Variants in PDE11A observed in about 807,000 individuals in gnomAD.
PDE11A encodes the protein dual 3',5'-cyclic-AMP and -GMP phosphodiesterase 11A.
PDE11A carries 100 observed loss-of-function variants against 100.5 expected under a neutral mutation model. The ratio of observed to expected loss-of-function variants is 1.00; its 90% CI spans 0.85 to 1.18. PDE11A has a LOEUF of 1.18. Ranked by LOEUF, PDE11A falls within the 50% of genes most tolerant of loss-of-function variation. PDE11A has a pLI of 0.00. For missense variants in PDE11A, 1,141 were observed against 1,152.6 expected (o/e 0.99, Z 0.15); for synonymous variants, 381 against 420.8 (o/e 0.91, Z 1.16).
chr2:177,746,342 C>T (rs978076106), intron 10 of PDE11A, among the ~76,000 whole-genome samples: 8 of 151,786 alleles, frequency 5.3e-5, no homozygotes, highest in African/African-American at 1.2e-4. Context: ...AAATACTTGG[C>T]GGATAGATCT....
At chr2:177,777,660 C>T (rs896310185) in intron 9 of PDE11A, among the ~76,000 whole-genome samples, 84 of 152,070 alleles carry the variant, frequency 5.5e-4, no homozygotes, top group Admixed American at 5.5e-3. Context: ...TAATTGAATG[C>T]ATTATAATAG....
At chr2:177,782,010 A>G (rs1055728054) in intron 9 of PDE11A, among the ~76,000 whole-genome samples, 2 of 152,232 alleles carry the variant, frequency 1.3e-5, no homozygotes, top group East Asian at 3.8e-4. Context: ...TTTAGTAACC[A>G]CACTTTAAAT....
At chr2:177,690,643 C>T (rs776212049) in intron 15 of PDE11A, among the ~76,000 whole-genome samples, 3 of 152,184 alleles carry the variant, frequency 2.0e-5, no homozygotes, top group South Asian at 2.1e-4. Context: ...GCATCCCTTT[C>T]GAGAGACAAA....
In PDE11A at chr2:177,835,639, A is replaced by C. The variant is rs1016376796; in HGVS notation, c.1500+4612T>G. 2.0e-5 allele frequency among the ~76,000 whole-genome samples: 3 copies of C among 152,142 alleles called. No individual in the cohort carries two copies. The South Asian group carries it at 6.2e-4, about 32-fold the overall frequency. Reference sequence around the variant, plus strand: ...CCCTCTCTGGGCTGGCCAAGGCTGAAGCCAGCTCCCTCTGCTTGTGGGGAG... The same window carrying C: ...CCCTCTCTGGGCTGGCCAAGGCTGACGCCAGCTCCCTCTGCTTGTGGGGAG... On this transcript the variant is annotated intron_variant, in intron 6 of 19. Transcript: ENST00000286063.
At chr2:177,675,563 GCA>G in intron 16 of PDE11A, 45 bp from the exon 17 acceptor site, 1 of 1,457,416 alleles carries the variant, frequency 6.9e-7, no homozygotes, top group Non-Finnish European at 9.6e-7. Flanking sequence ...ATCTTTTGTT[GCA>G]TTCCTAAACA....
At chr2:177,709,423 G>A (rs573500268) in intron 13 of PDE11A, among the ~76,000 whole-genome samples, 5 of 152,242 alleles carry the variant, frequency 3.3e-5, no homozygotes, top group South Asian at 2.1e-4. Flanking sequence ...GGTGACTGGC[G>A]CATTTTTGGT....
chr2:177,842,147 T>G lies in PDE11A; in HGVS notation c.1368-1764A>C, dbSNP rs2083501823. 1.3e-5 allele frequency among the ~76,000 whole-genome samples: 2 copies of G among 152,242 alleles called. 1 individual carries two copies. The highest frequency in any genetic ancestry group is 2.9e-5 in the Non-Finnish European group (2 of 68,038). On this transcript the variant is annotated intron_variant, in intron 5 of 19. Transcript: ENST00000286063. ...CTGTGTACTTTATTCCACATTTTAA[T>G]TTTTGAGGTGTTCTGTGATCACACC...
At chr2:177,769,215 C>T (rs1485941138) in intron 10 of PDE11A, 108 bp downstream of exon 10, 2 of 782,408 alleles carry the variant, frequency 2.6e-6, no homozygotes, top group Non-Finnish European at 4.7e-6. Context: ...TGCTAGTCCT[C>T]CAGCTCCCAA....
intron 5 of PDE11A, among the ~76,000 whole-genome samples, chr2:177,873,723 A>G (rs1440036811): frequency 6.6e-6 from 1 of 152,160 alleles, no homozygotes; most frequent in East Asian, 1.9e-4. Context: ...TTCTCTTCCT[A>G]TAATTTTGAT....
At chr2:178,094,717 T>A (rs1204390333) in intron 2 of PDE11A, among the ~76,000 whole-genome samples, 1 of 152,060 alleles carries the variant, frequency 6.6e-6, no homozygotes, top group Non-Finnish European at 1.5e-5. Flanking sequence ...GACTGGGTAA[T>A]TTATAAAGGA....
At chr2:177,997,429 A>C (rs531458938) in intron 2 of PDE11A, 1 of 828,176 alleles carries the variant, frequency 1.2e-6, no homozygotes, top group African/African-American at 1.7e-5. Flanking sequence ...CCTTTTATAC[A>C]GGTTTCCAGG....
At chr2:177,665,031 G>C (rs1166492465) in intron 18 of PDE11A, among the ~76,000 whole-genome samples, 2 of 152,126 alleles carry the variant, frequency 1.3e-5, no homozygotes, top group Non-Finnish European at 2.9e-5. Context: ...TGGGGAGAAG[G>C]TCACTGATTC....
chr2:177,721,062 T>C (rs2105438979), intron 12 of PDE11A, among the ~76,000 whole-genome samples: 1 of 152,294 alleles, frequency 6.6e-6, no homozygotes, highest in East Asian at 1.9e-4. Context: ...ATTTTATATA[T>C]AACTTTATTA....
At chr2:177,748,916 T>A (rs981487527) in intron 10 of PDE11A, among the ~76,000 whole-genome samples, 2 of 152,228 alleles carry the variant, frequency 1.3e-5, no homozygotes, top group Non-Finnish European at 2.9e-5. Context: ...GCAGGTAGGT[T>A]ATTTATATTG....
In PDE11A at chr2:177,755,671, A is replaced by T. The variant is rs2082081477; in HGVS notation, c.1788+13652T>A. ...ATGGACAGGGGAACCAAGTGGGCCAAGCGGACCAATCAGAAAATGTCCCTG... is the reference window on the plus strand; with the variant it reads ...ATGGACAGGGGAACCAAGTGGGCCATGCGGACCAATCAGAAAATGTCCCTG... On this transcript the variant is annotated intron_variant, in intron 10 of 19. Coordinates refer to ENST00000286063, the MANE Select transcript of PDE11A (RefSeq NM_016953.4). 2.6e-5 allele frequency among the ~76,000 whole-genome samples: 4 copies of T among 152,236 alleles called. No homozygotes were observed. In the South Asian group the frequency reaches 8.3e-4, roughly 32 times the overall value.
intron 10 of PDE11A, among the ~76,000 whole-genome samples, chr2:177,731,339 G>C (rs1477570275): frequency 6.6e-6 from 1 of 152,120 alleles, no homozygotes; most frequent in Non-Finnish European, 1.5e-5. Flanking sequence ...TGGAGCTTCT[G>C]GGGGCTTCTC....
chr2:178,080,402 A>G (rs2087269497), intron 2 of PDE11A, among the ~76,000 whole-genome samples: 1 of 152,182 alleles, frequency 6.6e-6, no homozygotes, highest in Non-Finnish European at 1.5e-5. Context: ...TTAAATAGGG[A>G]ATCCTTTCCC....
chr2:178,022,882 C>T (rs6750869), intron 1 of PDE11A, among the ~76,000 whole-genome samples: 76,646 of 151,958 alleles, frequency 0.5, 20,120 homozygotes, highest in East Asian at 0.71. Flanking sequence ...AGACTCTTAC[C>T]GCTTTGAGTA....
intron 10 of PDE11A, among the ~76,000 whole-genome samples, chr2:177,760,573 A>T (rs2082154487): frequency 6.6e-6 from 1 of 152,202 alleles, no homozygotes. Flanking sequence ...TTCTTCCTAG[A>T]GATAAATTTT....
Sources: allele counts gnomAD v4.1 joint callset (sites outside exome capture counted in the v4.1 genomes callset), GRCh38; gene constraint gnomAD v4.1.1; transcripts MANE v1.5; gene names NCBI Gene and HGNC (gene_info 2026-07-23, HGNC 2026-07-21).